The following MUCL3 variants were observed in gnomAD, a reference collection of about 807,000 sequenced individuals.
MUCL3 encodes the protein mucin like 3, also known as mucin-like protein 3.
MUCL3 carries 42 observed loss-of-function variants against 70.2 expected under a neutral mutation model. The ratio of observed to expected loss-of-function variants is 0.60; its 90% CI spans 0.47 to 0.77. The LOEUF is 0.77. MUCL3 is among the 30% of genes least tolerant of loss of function. The probability of loss-of-function intolerance (pLI) is 0.00; values close to 1 mark genes in which losing one functional copy is unlikely to be tolerated. For synonymous variants in MUCL3, 522 were observed against 647.0 expected (o/e 0.81, Z 2.93); for missense variants, 1,429 against 1,670.0 (o/e 0.86, Z 2.52).
At position 30,949,081 on chromosome 6, in the gene MUCL3, C is replaced by A; in HGVS notation, c.617C>A (p.Thr206Asn). 1 of 1,550,954 alleles carries A rather than the reference C, an allele frequency of 6.4e-7. No individual in the cohort carries two copies. The highest frequency in any genetic ancestry group is 1.2e-5 in the South Asian group (1 of 83,822). Reference sequence around the variant, plus strand: ...AAGACAAGTACCAGCTCACATAAGACTACAACTTCCTTCCACAACTCAGGC... The same window carrying A: ...AAGACAAGTACCAGCTCACATAAGAATACAACTTCCTTCCACAACTCAGGC... The part of the protein sequence containing the change: ...LDKTSTSSHK[T>N]TTSFHNSGNS... The change falls in exon 2 of 3, where the codon ACT becomes AAT. Residue 206 changes from threonine (T) to asparagine (N), a missense_variant. Coordinates refer to ENST00000462446, the MANE Select transcript of MUCL3 (RefSeq NM_080870.4).
In MUCL3 at chr6:30,949,149, A is replaced by T. The variant is rs1267036740; in HGVS notation, c.685A>T (p.Ile229Phe). Residue 229 changes from isoleucine to phenylalanine, a missense_variant, in exon 2 of 3, where the codon ATC becomes TTC. Transcript: ENST00000462446. ...AAAAAGCACATCTTTTCCAGAAAAA[A>T]TCACAGCAGCCTCAAAAACAACATA... is the stretch of plus-strand genomic sequence containing the variant. ...KQKSTSFPEK[I>F]TAASKTTYKT... is the part of the protein sequence containing the mutation. 12 of 1,551,304 alleles carry T rather than the reference A, an allele frequency of 7.7e-6. No individual in the cohort carries two copies. The highest frequency in any genetic ancestry group is 1.0e-5 in the Non-Finnish European group (12 of 1,146,946).
rs1257657622 is a variant in MUCL3, at chr6:30,951,279, C to T, written c.2815C>T (p.Arg939Ter). ...PLANEITTPSRAEPTEHGERI... is the reference protein window; with the variant it reads ...PLANEITTPS ...GGCCAATGAGATCACCACACCATCCCGAGCAGAGCCTACAGAACATGGAGA... is the reference window on the plus strand; with the variant it reads ...GGCCAATGAGATCACCACACCATCCTGAGCAGAGCCTACAGAACATGGAGA... The change falls in exon 2 of 3, where the codon CGA becomes TGA. Residue 939 changes from arginine to a stop codon, truncating the protein, a stop_gained. Coordinates refer to ENST00000462446, the MANE Select transcript of MUCL3 (RefSeq NM_080870.4). LOFTEE classifies it high-confidence loss of function. The T allele has an allele frequency of 1.0e-5, 16 of 1,550,560 alleles. No homozygotes were observed. The highest frequency in any genetic ancestry group is 2.0e-5 in the Admixed American group (1 of 50,822).
intron 1 of MUCL3, among the ~76,000 whole-genome samples, chr6:30,941,815 T>C (rs755885852): frequency 2.0e-5 from 3 of 152,092 alleles, no homozygotes; most frequent in Admixed American, 6.5e-5. Context: ...TATCCCATCT[T>C]ATAGTTGAGG....
chr6:30,950,523 C>T lies in MUCL3; in HGVS notation c.2059C>T (p.Pro687Ser). 1.3e-6 allele frequency: 2 copies of T among 1,545,762 alleles called. No individual in the cohort carries two copies. Among genetic ancestry groups the T allele is most frequent in the Non-Finnish European group, 1.7e-6 (2 of 1,146,046 alleles). ...GCCTACAGAAAATGGACAAAGGACCCCATTTGCCAATGAGAAAACCACATC... is the reference window on the plus strand; with the variant it reads ...GCCTACAGAAAATGGACAAAGGACCTCATTTGCCAATGAGAAAACCACATC... ...AEPTENGQRT[P>S]FANEKTTSSS... The change falls in exon 2 of 3, where the codon CCA becomes TCA. Residue 687 changes from proline to serine, a missense_variant. By Grantham distance (74) the Pro-to-Ser change is moderately conservative. Transcript: ENST00000462446.
rs368627269 is a variant in MUCL3 at position 30,951,911 on chromosome 6, A to G, written c.3447A>G (p.Ala1149=). 1 of 1,613,918 alleles carries G rather than the reference A, an allele frequency of 6.2e-7. No individual in the cohort carries two copies. The highest frequency in any genetic ancestry group is 1.3e-5 in the African/African-American group (1 of 75,026). ...CCCCAGCAGAGCCTATAAAACATGC[A>G]AAAAGGACCACATTGGCCCATGAGA... ...TPAPAEPIKH[A]KRTTLAHEKM... The change falls in exon 2 of 3, where the codon GCA becomes GCG. Residue 1149 remains alanine (A), a synonymous_variant. Coordinates refer to ENST00000462446, the MANE Select transcript of MUCL3 (RefSeq NM_080870.4).
chr6:30,941,457 CTTTTT>C (rs9278811), intron 1 of MUCL3, among the ~76,000 whole-genome samples: 107 of 105,246 alleles, frequency 1.0e-3, no homozygotes, highest in Admixed American at 5.1e-3. Flanking sequence ...TCTTCTTCTT[CTTTTT>C]TTTTTTTTTT....
Position 30,949,896 on chromosome 6 carries a change from G to A in MUCL3, c.1432G>A (p.Glu478Lys). Reference sequence around the variant, plus strand: ...CGAGAAGACCACACTATCCCCAGTAGAGCCTACAGAAAATAGAGAAACAAC... The same window carrying A: ...CGAGAAGACCACACTATCCCCAGTAAAGCCTACAGAAAATAGAGAAACAAC... ...ANEKTTLSPVEPTENRETTAN... is the reference protein window; with the variant it reads ...ANEKTTLSPVKPTENRETTAN... The change falls in exon 2 of 3, where the codon GAG becomes AAG. Residue 478 changes from glutamate to lysine, a missense_variant. Transcript: ENST00000462446. 6.5e-7 allele frequency: 1 copy of A among 1,549,020 alleles called. No individual in the cohort carries two copies. Among genetic ancestry groups the A allele is most frequent in the Non-Finnish European group, 8.7e-7 (1 of 1,146,336 alleles).
rs763461415 is a variant in MUCL3, at chr6:30,954,220, G to A, written c.*1103G>A. On this transcript the variant is annotated 3_prime_UTR_variant, in exon 3 of 3. Transcript: ENST00000462446. The surrounding 1 kb of genome is among the most constrained non-coding windows in gnomAD (Gnocchi z 4.4). ...AATAAAGTATAACATGTTTATAAAG[G>A]GCATCATAGTTATTAGACTATCCAT... 7 of 152,156 alleles carry A rather than the reference G, an allele frequency of 4.6e-5. No individual in the cohort carries two copies. Among genetic ancestry groups the A allele is most frequent in the Non-Finnish European group, 8.8e-5 (6 of 68,032 alleles). 9.4% of individuals were successfully genotyped at this position (152,156 alleles called of 1,614,324 possible).
Position 30,949,270 on chromosome 6 carries a change from T to A in MUCL3, c.806T>A (p.Ile269Lys). The A allele has an allele frequency of 6.4e-7, 1 of 1,550,412 alleles. No homozygotes were observed. Among genetic ancestry groups the A allele is most frequent in the Admixed American group, 2.0e-5 (1 of 50,718 alleles). Reference protein sequence around the residue: ...DKLLTKTTKNIQETISANELT... With the variant: ...DKLLTKTTKNKQETISANELT... ...CTCCTGACAAAAACTACAAAAAACA[T>A]ACAAGAGACCATATCAGCCAATGAG... Residue 269 changes from isoleucine to lysine, a missense_variant, in exon 2 of 3, where the codon ATA becomes AAA. Physicochemically the swap from Ile to Lys is moderately radical, Grantham distance 102 (BLOSUM62 -3). Transcript: ENST00000462446.
intron 1 of MUCL3, among the ~76,000 whole-genome samples, chr6:30,944,215 CCCTT>C (rs368178240): frequency 2.0e-5 from 3 of 150,926 alleles, no homozygotes; most frequent in East Asian, 1.9e-4. Context: ...CCTTTCCTTT[CCCTT>C]CCTTCCTTCC....
At position 30,949,704 on chromosome 6, in the gene MUCL3, A is replaced by T; in HGVS notation, c.1240A>T (p.Thr414Ser). The change falls in exon 2 of 3, where the codon ACA becomes TCA. Residue 414 changes from threonine (T) to serine (S), a missense_variant. Coordinates refer to ENST00000462446, the MANE Select transcript of MUCL3 (RefSeq NM_080870.4). The part of the protein sequence containing the change: ...ERTPFANDKT[T>S]SSSAESTEHG... ...GACCCCATTTGCCAATGACAAAACC[A>T]CATCATCCTCAGCAGAGTCTACAGA... The T allele has an allele frequency of 6.5e-7, 1 of 1,548,802 alleles. No homozygotes were observed. The highest frequency in any genetic ancestry group is 1.2e-5 in the South Asian group (1 of 83,854).
In MUCL3 at chr6:30,949,855, G is replaced by C. The variant is rs1335808425; in HGVS notation, c.1391G>C (p.Arg464Thr). The C allele has an allele frequency of 6.5e-7, 1 of 1,549,604 alleles. No homozygotes were observed. The highest frequency in any genetic ancestry group is 8.7e-7 in the Non-Finnish European group (1 of 1,146,392). ...TPSPAGPTEN[R>T]ETTANEKTTL... ...TCCCCAGCAGGGCCTACAGAAAACA[G>C]AGAAACGACAGCCAACGAGAAGACC... The change falls in exon 2 of 3, where the codon AGA (arginine) becomes ACA (threonine). Residue 464 changes from arginine (R) to threonine (T), a missense_variant. Coordinates refer to ENST00000462446, the MANE Select transcript of MUCL3 (RefSeq NM_080870.4).
Position 30,951,161 on chromosome 6 carries a change from G to A in MUCL3, c.2697G>A (p.Glu899=). The change falls in exon 2 of 3, where the codon GAG becomes GAA. Residue 899 remains glutamate (E), a synonymous_variant. Coordinates refer to ENST00000462446, the MANE Select transcript of MUCL3 (RefSeq NM_080870.4). ...AGAAGACCACACTATCCCCAGCAGA[G>A]CCTACAGAAAATGGAGAAAGGACCC... The part of the protein sequence containing the change: ...ANEKTTLSPA[E]PTENGERTPF... 6.4e-7 allele frequency: 1 copy of A among 1,550,654 alleles called. No homozygotes were observed. Among genetic ancestry groups the A allele is most frequent in the Non-Finnish European group, 8.7e-7 (1 of 1,146,898 alleles).
chr6:30,952,250 T>C lies in MUCL3; in HGVS notation c.3786T>C (p.Asn1262=), dbSNP rs193206474. The change falls in exon 2 of 3, where the codon AAT becomes AAC. Residue 1262 remains asparagine (N), a synonymous_variant. Transcript: ENST00000462446. ...TCACTACTACCTCTTCTCATCTAAATAAAACTGAAGTTACTCATCAGGTGC... is the reference window on the plus strand; with the variant it reads ...TCACTACTACCTCTTCTCATCTAAACAAAACTGAAGTTACTCATCAGGTGC... ...KSLTTTSSHL[N]KTEVTHQVPT... 18 of 1,614,126 alleles carry C rather than the reference T, an allele frequency of 1.1e-5. No individual in the cohort carries two copies. The Admixed American group carries it at 2.7e-4, about 24-fold the overall frequency.
intron 1 of MUCL3, 74 bp from the exon 2 acceptor site, chr6:30,948,473 A>C: frequency 8.5e-7 from 1 of 1,174,828 alleles, no homozygotes; most frequent in Non-Finnish European, 1.2e-6. Flanking sequence ...GAGATCCCCT[A>C]GAGAAGGAGG....
intron 2 of MUCL3, 114 bp from the exon 3 acceptor site, chr6:30,952,857 A>C: frequency 7.1e-7 from 1 of 1,408,566 alleles, no homozygotes; most frequent in Admixed American, 2.3e-5. Flanking sequence ...CTGGAGCTGG[A>C]ATAAACATCA....
rs1760646420 is a variant in MUCL3 at position 30,950,999 on chromosome 6, A to C, written c.2535A>C (p.Arg845Ser). 7 of 1,550,940 alleles carry C rather than the reference A, an allele frequency of 4.5e-6. No individual in the cohort carries two copies. Among genetic ancestry groups the C allele is most frequent in the Non-Finnish European group, 6.1e-6 (7 of 1,146,830 alleles). ...TQFPAEPTENRESTANEKTTP... is the reference protein window; with the variant it reads ...TQFPAEPTENSESTANEKTTP... ...TCCCAGCAGAGCCTACAGAAAATAG[A>C]GAAAGCACAGCCAATGAGAAGACCA... Residue 845 changes from arginine to serine, a missense_variant, in exon 2 of 3, where the codon AGA becomes AGC. Arg to Ser is a moderately radical substitution (Grantham distance 110). Transcript: ENST00000462446.
chr6:30,943,848 T>C (rs2150604628), intron 1 of MUCL3, among the ~76,000 whole-genome samples: 1 of 151,934 alleles, frequency 6.6e-6, no homozygotes, highest in African/African-American at 2.4e-5. Context: ...TATATCTCCC[T>C]TTAGCTTTCC....
At chr6:30,943,154 G>A (rs943078508) in intron 1 of MUCL3, among the ~76,000 whole-genome samples, 3 of 152,180 alleles carry the variant, frequency 2.0e-5, no homozygotes, top group African/African-American at 7.2e-5. Flanking sequence ...TTCTGGTGAG[G>A]AGACCCTGAC....
Sources: gnomAD v4.1 joint callset for allele counts (sites outside exome capture counted in the v4.1 genomes callset) on GRCh38, gnomAD v4.1.1 for gene constraint, Gnocchi (gnomAD v3.1) non-coding constraint, MANE v1.5 for transcripts, NCBI Gene and HGNC (gene_info 2026-07-23, HGNC 2026-07-21) for gene names.